ZFHX3: variants seen among roughly 807,000 people sequenced by gnomAD.
ZFHX3 encodes the protein zinc finger homeobox 3.
In ZFHX3, 42 loss-of-function variants were observed where a neutral mutation model predicts 279.1. The ratio of observed to expected loss-of-function variants is 0.15; its 90% CI spans 0.12 to 0.19. The LOEUF is 0.19. Ranked by LOEUF, ZFHX3 falls within the 10% of genes least tolerant of loss-of-function variation. The pLI, the probability that ZFHX3 is intolerant of heterozygous loss-of-function variation, is 1.00. For missense variants in ZFHX3, 4,981 were observed against 4,754.0 expected, an observed-to-expected ratio of 1.05 and a Z score of -1.40; for synonymous variants, 2,293 against 1,957.8, an observed-to-expected ratio of 1.17 and a Z score of -4.52.
intron 3 of ZFHX3, among the ~76,000 whole-genome samples, chr16:73,364,533 T>G (rs1312879036): frequency 6.6e-6 from 1 of 152,142 alleles, no homozygotes; most frequent in African/African-American, 2.4e-5. Context: ...TAATTACAAA[T>G]TAGCCAAGTG....
At chr16:73,434,802 G>C (rs1434384891) in intron 3 of ZFHX3, among the ~76,000 whole-genome samples, 1 of 152,152 alleles carries the variant, frequency 6.6e-6, no homozygotes, top group Non-Finnish European at 1.5e-5. Flanking sequence ...TCCTCTAAGT[G>C]GGTCTGACTG....
At chr16:72,972,809 C>A (rs1182768735) in intron 1 of ZFHX3, among the ~76,000 whole-genome samples, 3 of 152,156 alleles carry the variant, frequency 2.0e-5, no homozygotes, top group Non-Finnish European at 2.9e-5. Flanking sequence ...TTCTGGCCCT[C>A]CTCCCACCTC....
chr16:73,804,524 A>G (rs749865939), intron 1 of ZFHX3, among the ~76,000 whole-genome samples: 10 of 152,174 alleles, frequency 6.6e-5, no homozygotes, highest in Non-Finnish European at 1.3e-4. Context: ...GGGGCCAAGG[A>G]AAGCTTTATC....
chr16:73,161,135 G>T (rs559927640), intron 5 of ZFHX3, among the ~76,000 whole-genome samples: 1 of 152,138 alleles, frequency 6.6e-6, no homozygotes, highest in Non-Finnish European at 1.5e-5. Context: ...ACCATGCCTG[G>T]CTAATCTTTT....
intron 2 of ZFHX3, among the ~76,000 whole-genome samples, chr16:73,489,034 A>G (rs1382568326): frequency 1.3e-5 from 2 of 152,224 alleles, no homozygotes; most frequent in Non-Finnish European, 2.9e-5. Context: ...TAAAGTTGCT[A>G]TGATTATTTT....
intron 1 of ZFHX3, among the ~76,000 whole-genome samples, chr16:73,864,582 C>T (rs367910063): frequency 2.0e-5 from 3 of 151,972 alleles, no homozygotes; most frequent in African/African-American, 4.8e-5. Context: ...AGCTGGGCAT[C>T]GTGGCTGGCG....
chr16:73,581,758 C>G (rs2051863999), intron 2 of ZFHX3, among the ~76,000 whole-genome samples: 1 of 148,938 alleles, frequency 6.7e-6, no homozygotes, highest in Non-Finnish European at 1.5e-5. Context: ...GCAACCTCCA[C>G]CTCCCGGGTT....
chr16:73,331,178 G>A (rs559901681), intron 3 of ZFHX3, among the ~76,000 whole-genome samples: 18 of 152,164 alleles, frequency 1.2e-4, no homozygotes, highest in South Asian at 2.1e-4. Flanking sequence ...AGAGTGAAGC[G>A]GGGAAAGCCC....
intron 2 of ZFHX3, among the ~76,000 whole-genome samples, chr16:73,486,192 G>A (rs1759566309): frequency 1.3e-5 from 2 of 152,200 alleles, no homozygotes; most frequent in Non-Finnish European, 2.9e-5. Context: ...AGCTATGACA[G>A]GAAATATCCT....
chr16:72,826,441 G>A (rs577335607), intron 5 of ZFHX3, among the ~76,000 whole-genome samples: 18 of 152,210 alleles, frequency 1.2e-4, no homozygotes, highest in African/African-American at 3.6e-4. Flanking sequence ...AGCATTCCCC[G>A]TCACATGTAA....
intron 4 of ZFHX3, among the ~76,000 whole-genome samples, chr16:72,880,144 G>T (rs1186326680): frequency 6.6e-6 from 1 of 152,170 alleles, no homozygotes; most frequent in Non-Finnish European, 1.5e-5. Flanking sequence ...TCTGTCCGAG[G>T]CGACTTCCAG....
intron 1 of ZFHX3, among the ~76,000 whole-genome samples, chr16:73,690,684 T>C (rs1464881832): frequency 6.6e-6 from 1 of 152,206 alleles, no homozygotes; most frequent in Non-Finnish European, 1.5e-5. Flanking sequence ...TGAAAATAAA[T>C]TGTGCATTGT....
intron 5 of ZFHX3, among the ~76,000 whole-genome samples, chr16:73,216,156 A>C (rs186182522): frequency 1.7e-3 from 256 of 152,308 alleles, no homozygotes; most frequent in African/African-American, 6.1e-3. Flanking sequence ...TTAAGATGCT[A>C]AGTTTCGGGA....
intron 2 of ZFHX3, among the ~76,000 whole-genome samples, chr16:73,457,697 C>T (rs567764386): frequency 2.4e-4 from 37 of 152,316 alleles, no homozygotes; most frequent in Admixed American, 6.5e-4. Flanking sequence ...ATCGCTTGAG[C>T]CTGGGAGGCG....
chr16:73,400,563 T>C (rs2017230257), intron 3 of ZFHX3: 1 of 152,158 alleles, frequency 6.6e-6, no homozygotes, highest in Admixed American at 6.5e-5. Flanking sequence ...CAATCTTGCA[T>C]AATCTATAAT....
chr16:73,575,971 G>T lies in ZFHX3; in HGVS notation c.-1547+104209C>A, dbSNP rs74030120. On this transcript the variant is annotated intron_variant, in intron 2 of 17. Transcript: ENST00000641206. ...TACACACAAAATGGATTTTCAGGAT[G>T]AATGGAAGCCAAGCCCCGTCTTTCT... Among the ~76,000 whole-genome samples, 284 of 152,266 alleles carry T rather than the reference G, an allele frequency of 1.9e-3. 4 individuals are homozygous for T. The highest frequency in any genetic ancestry group is 6.7e-3 in the African/African-American group (279 of 41,562).
At chr16:73,817,692 G>C (rs866655588) in intron 1 of ZFHX3, among the ~76,000 whole-genome samples, 1 of 152,184 alleles carries the variant, frequency 6.6e-6, no homozygotes, top group Admixed American at 6.5e-5. Context: ...CCCTGGAGAC[G>C]AGCAGCATTC....
chr16:73,618,584 CGCTT>C (rs1315773567), intron 2 of ZFHX3, among the ~76,000 whole-genome samples: 1 of 152,152 alleles, frequency 6.6e-6, no homozygotes, highest in Non-Finnish European at 1.5e-5. Flanking sequence ...AGCTGAGAAG[CGCTT>C]TGTCAAGACT....
intron 1 of ZFHX3, among the ~76,000 whole-genome samples, chr16:73,042,455 C>CAAG (rs1322393677): frequency 1.3e-5 from 2 of 152,132 alleles, no homozygotes; most frequent in African/African-American, 2.4e-5. Context: ...CAGGAACAAC[C>CAAG]AAGAAACAAG....
Sources: allele counts gnomAD v4.1 joint callset (sites outside exome capture counted in the v4.1 genomes callset), GRCh38; gene constraint gnomAD v4.1.1; transcripts MANE v1.5; gene names NCBI Gene and HGNC (gene_info 2026-07-23, HGNC 2026-07-21).